GSK3B: variants seen among roughly 807,000 people sequenced by gnomAD.
GSK3B encodes the protein glycogen synthase kinase-3 beta.
Under a neutral mutation model 56.4 loss-of-function variants are expected in GSK3B, and 15 were observed. The ratio of observed to expected loss-of-function variants is 0.27; its 90% CI spans 0.18 to 0.41. The LOEUF (loss-of-function observed/expected upper bound fraction) is 0.41. Ranked by LOEUF, GSK3B falls within the 10% of genes least tolerant of loss-of-function variation. The pLI is 1.00. For synonymous variants in GSK3B, 181 were observed against 188.9 expected (o/e 0.96, Z 0.34); for missense variants, 300 against 513.4 (o/e 0.58, Z 4.02).
At chr3:119,834,684 A>T (rs1300992876) in intron 10 of GSK3B, among the ~76,000 whole-genome samples, 2 of 152,224 alleles carry the variant, frequency 1.3e-5, no homozygotes, top group South Asian at 2.1e-4. Context: ...AAAGAAAAAA[A>T]AGGACATATA....
chr3:119,926,319 C>T (rs2056888287), intron 3 of GSK3B, among the ~76,000 whole-genome samples: 1 of 145,034 alleles, frequency 6.9e-6, no homozygotes, highest in Non-Finnish European at 1.5e-5. Context: ...CCCCTTCTCT[C>T]TTACACTTCC....
chr3:119,983,913 G>A (rs879217310), intron 2 of GSK3B, among the ~76,000 whole-genome samples: 1 of 152,146 alleles, frequency 6.6e-6, no homozygotes, highest in East Asian at 1.9e-4. Context: ...ATTCTTCTCA[G>A]CACCACACTG....
chr3:120,088,140 C>T (rs2058481010), intron 1 of GSK3B, among the ~76,000 whole-genome samples: 1 of 152,206 alleles, frequency 6.6e-6, no homozygotes, highest in African/African-American at 2.4e-5. Flanking sequence ...GATCCACCCG[C>T]CTCGGCCTCC....
intron 1 of GSK3B, among the ~76,000 whole-genome samples, chr3:120,007,545 A>T (rs1395993440): frequency 5.3e-5 from 8 of 152,216 alleles, no homozygotes; most frequent in Non-Finnish European, 1.5e-5. Flanking sequence ...CGAAACCAGC[A>T]GCACATCAAA....
At chr3:119,942,534 G>A (rs1017579174) in intron 3 of GSK3B, among the ~76,000 whole-genome samples, 2 of 151,944 alleles carry the variant, frequency 1.3e-5, no homozygotes, top group Non-Finnish European at 2.9e-5. Context: ...CAACCGCCAC[G>A]GCCTCCCAAA....
At chr3:119,988,232 C>G (rs963462490) in intron 2 of GSK3B, among the ~76,000 whole-genome samples, 1 of 152,116 alleles carries the variant, frequency 6.6e-6, no homozygotes, top group South Asian at 2.1e-4. Context: ...GGAGACCAAT[C>G]TTTTTAATGT....
At chr3:120,025,393 A>T (rs2107514506) in intron 1 of GSK3B, among the ~76,000 whole-genome samples, 1 of 152,306 alleles carries the variant, frequency 6.6e-6, no homozygotes, top group Non-Finnish European at 1.5e-5. Flanking sequence ...AACTAGAAAC[A>T]GCAAAGAACA....
At chr3:119,965,265 T>C (rs2057309086) in intron 2 of GSK3B, among the ~76,000 whole-genome samples, 2 of 151,126 alleles carry the variant, frequency 1.3e-5, no homozygotes, top group African/African-American at 4.9e-5. Context: ...GGTTTCACCA[T>C]GTTGGCCAGG....
At chr3:119,915,438 C>T (rs74682667) in intron 5 of GSK3B, among the ~76,000 whole-genome samples, 3,938 of 152,050 alleles carry the variant, frequency 0.026, 173 homozygotes, top group African/African-American at 0.089. Flanking sequence ...AAGTGAGTTT[C>T]CCAACTACAT....
chr3:119,981,018 C>T (rs1202268990), intron 2 of GSK3B, among the ~76,000 whole-genome samples: 1 of 152,126 alleles, frequency 6.6e-6, no homozygotes, highest in Non-Finnish European at 1.5e-5. Flanking sequence ...AATTAGGCCT[C>T]CTGAATGCTT....
chr3:119,965,975 T>C (rs754796866), intron 2 of GSK3B, among the ~76,000 whole-genome samples: 10 of 152,198 alleles, frequency 6.6e-5, no homozygotes, highest in Non-Finnish European at 1.5e-4. Flanking sequence ...GTGAGCACAA[T>C]TTTCCGGGGA....
At chr3:119,948,883 G>A (rs896066705) in intron 2 of GSK3B, among the ~76,000 whole-genome samples, 1 of 152,028 alleles carries the variant, frequency 6.6e-6, no homozygotes, top group Non-Finnish European at 1.5e-5. Flanking sequence ...AATATTTTTA[G>A]TAGAGACAGG....
At chr3:120,029,673 A>G (rs1374232529) in intron 1 of GSK3B, 4 of 527,242 alleles carry the variant, frequency 7.6e-6, no homozygotes, top group Non-Finnish European at 1.5e-5. Flanking sequence ...AAAAGCCATT[A>G]TGGCCATGGA....
At chr3:119,952,604 C>CAA (rs780041028) in intron 2 of GSK3B, among the ~76,000 whole-genome samples, 6 of 135,180 alleles carry the variant, frequency 4.4e-5, no homozygotes, top group Non-Finnish European at 8.0e-5. Context: ...TTGAAGCCAC[C>CAA]AAAAAAAAAA....
At chr3:120,050,080 C>CAA (rs2058135965) in intron 1 of GSK3B, among the ~76,000 whole-genome samples, 1 of 152,086 alleles carries the variant, frequency 6.6e-6, no homozygotes, top group African/African-American at 2.4e-5. Context: ...CAAAGAAGCT[C>CAA]AAAGGGGAAG....
At chr3:120,051,079 A>C (rs1457889360) in intron 1 of GSK3B, among the ~76,000 whole-genome samples, 1 of 151,514 alleles carries the variant, frequency 6.6e-6, no homozygotes, top group African/African-American at 2.4e-5. Context: ...TGGGCCAAAC[A>C]CCAGGTCTAG....
At chr3:119,882,503 C>A (rs1306864292) in intron 7 of GSK3B, among the ~76,000 whole-genome samples, 1 of 152,042 alleles carries the variant, frequency 6.6e-6, no homozygotes, top group Non-Finnish European at 1.5e-5. Flanking sequence ...ACATACACAA[C>A]CCTCTATCCA....
chr3:119,954,907 G>A (rs1014768232), intron 2 of GSK3B, among the ~76,000 whole-genome samples: 3 of 152,114 alleles, frequency 2.0e-5, no homozygotes, highest in African/African-American at 7.2e-5. Flanking sequence ...ACTTTTAGGT[G>A]AAGAAACAAC....
chr3:120,064,522 C>T (rs2058264051), intron 1 of GSK3B, among the ~76,000 whole-genome samples: 1 of 152,008 alleles, frequency 6.6e-6, no homozygotes, highest in Non-Finnish European at 1.5e-5. Context: ...AAAACCTAAA[C>T]AAATGAAAAG....
Sources: allele counts gnomAD v4.1 joint callset (sites outside exome capture counted in the v4.1 genomes callset), GRCh38; gene constraint gnomAD v4.1.1; transcripts MANE v1.5; gene names NCBI Gene and HGNC (gene_info 2026-07-23, HGNC 2026-07-21).